The following TBC1D8B variants were observed in gnomAD, a reference collection of about 807,000 sequenced individuals.
The protein encoded by TBC1D8B is TBC1 domain family member 8B, also known as RP11-321G1.1.
Under a neutral mutation model 82.9 loss-of-function variants are expected in TBC1D8B, and 75 were observed. The observed-to-expected ratio is 0.90, with a 90% CI of 0.75 to 1.10. The LOEUF is 1.10. TBC1D8B is among the 50% of genes least tolerant of loss of function. TBC1D8B has a pLI of 0.00. For missense variants in TBC1D8B, 794 were observed against 796.9 expected (o/e 1.00, Z 0.04); for synonymous variants, 276 against 276.8 (o/e 1.00, Z 0.03).
intron 14 of TBC1D8B, among the ~76,000 whole-genome samples, chrX:106,861,976 CTT>C (rs1346092395): frequency 2.9e-4 from 33 of 112,033 alleles, no homozygotes; most frequent in Admixed American, 9.5e-5. Context: ...TGAGAAGGAT[CTT>C]ATTTCTCCTT....
chrX:106,872,455 TTATATATATATA>T (rs61326496), intron 20 of TBC1D8B, among the ~76,000 whole-genome samples: 7 of 73,313 alleles, frequency 9.5e-5, no homozygotes, highest in African/African-American at 2.4e-4. Context: ...AGAAAAATAT[TTATATATATATA>T]TATATATATA....
chrX:106,826,180 T>C lies in TBC1D8B; in HGVS notation c.978T>C (p.Tyr326=), dbSNP rs377570863. ...THGKMCISEN[Y]ICFASQDGNQ... ...GGAAAATGTGCATCTCAGAAAATTA[T>C]ATCTGCTTTGCTAGCCAAGATGGCA... The change falls in exon 6 of 21, where the codon TAT becomes TAC. Residue 326 remains tyrosine (Y), a synonymous_variant. Coordinates refer to ENST00000357242, the MANE Select transcript of TBC1D8B (RefSeq NM_017752.3). The C allele has an allele frequency of 1.1e-5, 13 of 1,210,845 alleles. No individual in the cohort carries two copies. In the East Asian group the frequency reaches 2.1e-4, roughly 19 times the overall value.
Position 106,826,088 on chromosome X carries a change from G to A in TBC1D8B, c.886G>A (p.Gly296Arg). Residue 296 changes from glycine to arginine, a missense_variant, in exon 6 of 21, where the codon GGA becomes AGA. Physicochemically the swap from Gly to Arg is moderately radical, Grantham distance 125. Transcript: ENST00000357242. ...QFNAFFRLPK[G>R]ESLKEVHECF... ...TAATGCCTTTTTTAGGCTGCCCAAA[G>A]GAGAGAGTTTGAAAGAAGTACATGA... is the stretch of plus-strand genomic sequence containing the variant. The A allele has an allele frequency of 4.1e-6, 5 of 1,210,870 alleles. No homozygotes were observed. Among genetic ancestry groups the A allele is most frequent in the Non-Finnish European group, 5.6e-6 (5 of 895,032 alleles).
At chrX:106,805,053 T>C (rs1931143916) in intron 1 of TBC1D8B, among the ~76,000 whole-genome samples, 1 of 104,670 alleles carries the variant, frequency 9.6e-6, no homozygotes, top group African/African-American at 3.4e-5. Context: ...CATGTTTTTT[T>C]TAACTTGTTG....
chrX:106,822,542 C>T (rs73531154), intron 4 of TBC1D8B, among the ~76,000 whole-genome samples: 6,924 of 110,381 alleles, frequency 0.063, 550 homozygotes, highest in African/African-American at 0.22. Context: ...ATATAGTGGC[C>T]ATAGTACCTA....
At chrX:106,816,009 G>A (rs926222499) in intron 1 of TBC1D8B, among the ~76,000 whole-genome samples, 2 of 111,453 alleles carry the variant, frequency 1.8e-5, no homozygotes, top group Non-Finnish European at 3.8e-5. Context: ...ACAAGACAGG[G>A]ATGCCCTCTC....
intron 12 of TBC1D8B, among the ~76,000 whole-genome samples, chrX:106,852,104 A>G (rs1391509570): frequency 9.2e-6 from 1 of 108,185 alleles, no homozygotes; most frequent in African/African-American, 3.4e-5. Context: ...AATGATCGCC[A>G]TTCTAACTGG....
chrX:106,869,544 A>G lies in TBC1D8B; in HGVS notation c.2869+3A>G. 8.4e-7 allele frequency: 1 copy of G among 1,194,185 alleles called. No homozygotes were observed. The highest frequency in any genetic ancestry group is 1.1e-6 in the Non-Finnish European group (1 of 880,787). ...AGCAAAACACAGCCCTGAAAAAGGT[A>G]CTATGATCTAGGAGTTATCATTTAA... On this transcript the variant is annotated splice_donor_region_variant and intron_variant, in intron 19 of 20. Transcript: ENST00000357242.
rs1329042353 is a variant in TBC1D8B, at chrX:106,873,601, A to G, written c.2999A>G (p.Tyr1000Cys). Residue 1000 changes from tyrosine to cysteine, a missense_variant, in exon 21 of 21, where the codon TAT (tyrosine) becomes TGT (cysteine). Physicochemically the swap from Tyr to Cys is radical, Grantham distance 194. Coordinates refer to ENST00000357242, the MANE Select transcript of TBC1D8B (RefSeq NM_017752.3). ...SQFIQFSKTL[Y>C]NLFHEDPEEE... ...TTTATTCAGTTTTCAAAGACCCTCTATAACTTATTTCATGAGGACCCTGAA... is the reference window on the plus strand; with the variant it reads ...TTTATTCAGTTTTCAAAGACCCTCTGTAACTTATTTCATGAGGACCCTGAA... 3.3e-6 allele frequency: 4 copies of G among 1,206,379 alleles called. No individual in the cohort carries two copies. Among genetic ancestry groups the G allele is most frequent in the Non-Finnish European group, 4.5e-6 (4 of 893,591 alleles).
intron 10 of TBC1D8B, 136 bp from the exon 11 acceptor site, chrX:106,848,050 T>G (rs1256165949): frequency 1.7e-5 from 6 of 363,149 alleles, no homozygotes; most frequent in African/African-American, 5.1e-5. Flanking sequence ...GGCTCAGAGT[T>G]CTCATGTTTC....
At chrX:106,851,751 T>G (rs1160279029) in intron 12 of TBC1D8B, among the ~76,000 whole-genome samples, 1 of 112,128 alleles carries the variant, frequency 8.9e-6, no homozygotes, top group Admixed American at 9.4e-5. Flanking sequence ...AACTCATCAT[T>G]TTTTATGGCT....
intron 12 of TBC1D8B, among the ~76,000 whole-genome samples, chrX:106,851,896 G>C (rs977780452): frequency 1.8e-5 from 2 of 111,391 alleles, no homozygotes; most frequent in African/African-American, 6.5e-5. Flanking sequence ...TGTCTTTATA[G>C]CAGCATGATT....
intron 4 of TBC1D8B, among the ~76,000 whole-genome samples, 190 bp downstream of exon 4, chrX:106,822,392 G>C (rs1931720199): frequency 1.8e-5 from 2 of 111,809 alleles, no homozygotes; most frequent in South Asian, 7.5e-4. Context: ...CATTAGAAGT[G>C]TATATAGAAT....
At chrX:106,854,112 G>T in intron 13 of TBC1D8B, 86 bp from the exon 14 acceptor site, 3 of 698,033 alleles carry the variant, frequency 4.3e-6, no homozygotes, top group Non-Finnish European at 6.0e-6. Flanking sequence ...AGGCCTCCAA[G>T]AATTCAGTCT....
intron 1 of TBC1D8B, among the ~76,000 whole-genome samples, chrX:106,813,428 A>T (rs750816415): frequency 8.9e-6 from 1 of 111,774 alleles, no homozygotes; most frequent in Admixed American, 9.5e-5. Context: ...TTTCACACTT[A>T]ACAAAACTGA....
At chrX:106,843,340 T>C (rs1160585159) in intron 10 of TBC1D8B, among the ~76,000 whole-genome samples, 1 of 111,778 alleles carries the variant, frequency 8.9e-6, no homozygotes, top group African/African-American at 3.2e-5. Flanking sequence ...TTTCTTTGTC[T>C]TTATTTTATT....
At chrX:106,840,275 A>G in intron 9 of TBC1D8B, 77 bp downstream of exon 9, 1 of 991,918 alleles carries the variant, frequency 1.0e-6, no homozygotes, top group Non-Finnish European at 1.4e-6. Flanking sequence ...AAGCTAAAGC[A>G]AAAGAATTAC....
At position 106,840,183 on chromosome X, in the gene TBC1D8B, TG is replaced by T; in HGVS notation, c.1491del (p.Trp497Ter). On this transcript the variant is annotated frameshift_variant, in exon 9 of 21. Coordinates refer to ENST00000357242, the MANE Select transcript of TBC1D8B (RefSeq NM_017752.3). LOFTEE classifies it high-confidence loss of function. ...GIPETLRGEL[W>X]MLFSGAVNDM... ...TCCAGAAACATTAAGAGGAGAACTCTGGATGCTTTTTTCAGGTATTACGTTT... is the reference window on the plus strand; with the variant it reads ...TCCAGAAACATTAAGAGGAGAACTCTGATGCTTTTTTCAGGTATTACGTTT... The T allele has an allele frequency of 8.3e-7, 1 of 1,206,456 alleles. No individual in the cohort carries two copies. Among genetic ancestry groups the T allele is most frequent in the Non-Finnish European group, 1.1e-6 (1 of 893,550 alleles).
At chrX:106,861,606 C>G (rs1354294929) in intron 14 of TBC1D8B, among the ~76,000 whole-genome samples, 1 of 111,545 alleles carries the variant, frequency 9.0e-6, no homozygotes, top group Non-Finnish European at 1.9e-5. Context: ...TACTTTGAGC[C>G]TTTGGATGTC....
Sources: allele counts gnomAD v4.1 joint callset (sites outside exome capture counted in the v4.1 genomes callset), GRCh38; gene constraint gnomAD v4.1.1; transcripts MANE v1.5; gene names NCBI Gene and HGNC (gene_info 2026-07-23, HGNC 2026-07-21).